Variants in BLTP3B observed in about 807,000 individuals in gnomAD.
BLTP3B encodes the protein bridge-like lipid transfer protein family member 3B, also known as UHRF1 (ICBP90) binding protein 1-like.
At chr12:100,081,133 G>C in the BLTP3B span, among the ~76,000 whole-genome samples, 1 of 152,156 alleles carries the variant, frequency 6.6e-6, no homozygotes, top group Non-Finnish European at 1.5e-5. Context: ...CCAGCCATGT[G>C]GAACTGTATG....
chr12:100,050,913 A>G, the BLTP3B span, among the ~76,000 whole-genome samples: 1 of 152,234 alleles, frequency 6.6e-6, no homozygotes, highest in Non-Finnish European at 1.5e-5. Flanking sequence ...AAATCAAAGG[A>G]AAAACGATTG....
At chr12:100,093,115 C>T in the BLTP3B span, among the ~76,000 whole-genome samples, 1 of 152,182 alleles carries the variant, frequency 6.6e-6, no homozygotes, top group Non-Finnish European at 1.5e-5. Flanking sequence ...ACTTTTGTTT[C>T]AACTCGGGCT....
the BLTP3B span, among the ~76,000 whole-genome samples, chr12:100,138,241 G>A: frequency 1.6e-4 from 25 of 152,338 alleles, no homozygotes; most frequent in African/African-American, 5.3e-4. Context: ...CTAGGAGCTA[G>A]CTGGTTCCTG....
chr12:100,098,478 G>C, the BLTP3B span: 1 of 1,613,778 alleles, frequency 6.2e-7, no homozygotes, highest in Admixed American at 1.7e-5. Context: ...CTCCAATTCT[G>C]ATGACTATAG....
chr12:100,063,694 G>GA, the BLTP3B span, among the ~76,000 whole-genome samples: 1 of 134,954 alleles, frequency 7.4e-6, no homozygotes, highest in African/African-American at 2.8e-5. Flanking sequence ...CAACAAGAGT[G>GA]AACTCCGTCT....
chr12:100,107,016 C>T, the BLTP3B span, among the ~76,000 whole-genome samples: 8 of 152,110 alleles, frequency 5.3e-5, no homozygotes, highest in South Asian at 8.3e-4. Context: ...CAGCCGGGCA[C>T]GGTGGCTCAT....
the BLTP3B span, among the ~76,000 whole-genome samples, chr12:100,066,331 G>A: frequency 8.6e-5 from 13 of 151,982 alleles, no homozygotes; most frequent in East Asian, 3.8e-4. Context: ...ATCACAATCC[G>A]AAACATACAT....
the BLTP3B span, among the ~76,000 whole-genome samples, chr12:100,084,913 A>G: frequency 6.6e-6 from 1 of 152,186 alleles, no homozygotes; most frequent in African/African-American, 2.4e-5. Context: ...CTAAGATTCA[A>G]TTTAAAGCCA....
chr12:100,060,911 T>C, the BLTP3B span, among the ~76,000 whole-genome samples: 1 of 152,206 alleles, frequency 6.6e-6, no homozygotes, highest in Non-Finnish European at 1.5e-5. Flanking sequence ...GAGGGAACAC[T>C]GTAACAATGT....
chr12:100,134,962 T>C, the BLTP3B span, among the ~76,000 whole-genome samples: 498 of 152,338 alleles, frequency 3.3e-3, 2 homozygotes, highest in African/African-American at 0.012. Context: ...CATCTCTTAA[T>C]TGGGTTCCTG....
At chr12:100,039,197 T>C in the BLTP3B span, among the ~76,000 whole-genome samples, 2 of 151,656 alleles carry the variant, frequency 1.3e-5, no homozygotes, top group South Asian at 4.2e-4. Context: ...TGAATGTTAA[T>C]AAATGTTTAT....
the BLTP3B span, among the ~76,000 whole-genome samples, chr12:100,137,165 A>C: frequency 6.6e-6 from 1 of 152,170 alleles, no homozygotes. Flanking sequence ...TTAAACTTCA[A>C]TGTGACAGTT....
the BLTP3B span, among the ~76,000 whole-genome samples, chr12:100,130,949 C>CATACAT: frequency 4.6e-4 from 45 of 97,564 alleles, no homozygotes; most frequent in African/African-American, 1.8e-3. Flanking sequence ...TACATACATA[C>CATACAT]ATATATATAT....
At chr12:100,104,965 C>T in the BLTP3B span, among the ~76,000 whole-genome samples, 1 of 136,098 alleles carries the variant, frequency 7.3e-6, no homozygotes, top group African/African-American at 2.7e-5. Context: ...TGGAGAACTA[C>T]AAAACACTGT....
At chr12:100,140,722 AAAAAAAAATATATATATATAT>A in the BLTP3B span, among the ~76,000 whole-genome samples, 3 of 114,852 alleles carry the variant, frequency 2.6e-5, no homozygotes, top group Non-Finnish European at 1.8e-5. Flanking sequence ...AAAAAAAAAA[AAAAAAAAATATATATATATAT>A]ATATATATAT....
chr12:100,134,889 T>C, the BLTP3B span, among the ~76,000 whole-genome samples: 33 of 152,318 alleles, frequency 2.2e-4, no homozygotes, highest in East Asian at 6.0e-3. Context: ...ACTATCACTA[T>C]CTCAACAACT....
chr12:100,073,624 C>T, the BLTP3B span, among the ~76,000 whole-genome samples: 1 of 151,646 alleles, frequency 6.6e-6, no homozygotes, highest in African/African-American at 2.4e-5. Flanking sequence ...CATACCTTAC[C>T]ACAATAAAAA....
the BLTP3B span, chr12:100,098,375 T>C: frequency 6.2e-7 from 1 of 1,607,868 alleles, no homozygotes; most frequent in Non-Finnish European, 8.5e-7. Context: ...GGATCCTGAA[T>C]ACGAGTAAAT....
chr12:100,081,358 G>GGTA, the BLTP3B span, among the ~76,000 whole-genome samples: 1 of 152,070 alleles, frequency 6.6e-6, no homozygotes, highest in Non-Finnish European at 1.5e-5. Flanking sequence ...TGAACCAGAG[G>GGTA]GTAGTTTTTG....
Sources: allele counts gnomAD v4.1 joint callset (sites outside exome capture counted in the v4.1 genomes callset), GRCh38; gene constraint gnomAD v4.1.1; transcripts MANE v1.5; gene names NCBI Gene and HGNC (gene_info 2026-07-23, HGNC 2026-07-21).